The following EPHA6 variants were observed in gnomAD, a reference collection of about 807,000 sequenced individuals.
EPHA6 encodes EPH receptor A6.
EPHA6 carries 50 observed loss-of-function variants against 112.0 expected under a neutral mutation model. The observed-to-expected ratio is 0.45, with a 90% CI of 0.36 to 0.56. The LOEUF (loss-of-function observed/expected upper bound fraction) is 0.56, where lower values mean the gene tolerates loss of function less well. EPHA6 is among the 20% of genes least tolerant of loss of function. The pLI, the probability that EPHA6 is intolerant of heterozygous loss-of-function variation, is 0.00. For missense variants in EPHA6, 1,280 were observed against 1,417.4 expected, an observed-to-expected ratio of 0.90 and a Z score of 1.56; for synonymous variants, 529 against 490.7, an observed-to-expected ratio of 1.08 and a Z score of -1.03.
At chr3:96,967,123 G>C (rs922878465) in intron 2 of EPHA6, among the ~76,000 whole-genome samples, 2 of 151,026 alleles carry the variant, frequency 1.3e-5, no homozygotes, top group African/African-American at 2.4e-5. Flanking sequence ...AATTACTCTT[G>C]TTTCAGGTTT....
At chr3:97,229,899 C>A (rs2078473301) in intron 4 of EPHA6, among the ~76,000 whole-genome samples, 1 of 151,994 alleles carries the variant, frequency 6.6e-6, no homozygotes, top group African/African-American at 2.4e-5. Context: ...TTCCTGTGAA[C>A]ATATTTTAAA....
intron 13 of EPHA6, among the ~76,000 whole-genome samples, chr3:97,621,021 C>T (rs1477349276): frequency 6.6e-6 from 1 of 151,984 alleles, no homozygotes; most frequent in African/African-American, 2.4e-5. Flanking sequence ...CCCAAATGCC[C>T]ATCAATGATA....
At chr3:97,155,487 A>G (rs2076268566) in intron 3 of EPHA6, among the ~76,000 whole-genome samples, 1 of 152,218 alleles carries the variant, frequency 6.6e-6, no homozygotes. Flanking sequence ...TTGCAGTTGC[A>G]TAACAGATAA....
chr3:97,170,268 T>G (rs148782151), intron 3 of EPHA6, among the ~76,000 whole-genome samples: 3 of 152,156 alleles, frequency 2.0e-5, no homozygotes, highest in Non-Finnish European at 4.4e-5. Context: ...TTGTTACTAT[T>G]AGTGCAACTT....
intron 5 of EPHA6, among the ~76,000 whole-genome samples, chr3:97,257,914 G>A (rs753305258): frequency 3.3e-5 from 5 of 151,964 alleles, no homozygotes; most frequent in Admixed American, 6.6e-5. Flanking sequence ...TGTGACAATT[G>A]ATGTACACAC....
At chr3:97,444,020 T>A (rs1442365528) in intron 6 of EPHA6, among the ~76,000 whole-genome samples, 1 of 152,116 alleles carries the variant, frequency 6.6e-6, no homozygotes, top group African/African-American at 2.4e-5. Context: ...TCTGGACTAA[T>A]TTGATCATAG....
intron 14 of EPHA6, among the ~76,000 whole-genome samples, chr3:97,661,907 C>T (rs886808257): frequency 6.6e-6 from 1 of 152,142 alleles, no homozygotes; most frequent in African/African-American, 2.4e-5. Flanking sequence ...AAAATCTGCA[C>T]AGCTCTGAGA....
At chr3:96,967,114 A>T (rs572172398) in intron 2 of EPHA6, among the ~76,000 whole-genome samples, 1 of 151,618 alleles carries the variant, frequency 6.6e-6, no homozygotes, top group African/African-American at 2.4e-5. Context: ...TTGAAAAATA[A>T]TTACTCTTGT....
chr3:97,646,120 G>T, intron 14 of EPHA6: 1 of 1,522,852 alleles, frequency 6.6e-7, no homozygotes, highest in South Asian at 1.2e-5. Flanking sequence ...CCAATTCAGA[G>T]ACCCACAAAT....
chr3:97,621,753 T>A (rs558408874), intron 13 of EPHA6, among the ~76,000 whole-genome samples: 2 of 151,962 alleles, frequency 1.3e-5, no homozygotes, highest in South Asian at 4.1e-4. Context: ...TATAACCGAT[T>A]GTGACAAATT....
chr3:96,833,890 C>A (rs1057063705), intron 1 of EPHA6, among the ~76,000 whole-genome samples: 10 of 151,844 alleles, frequency 6.6e-5, no homozygotes, highest in Admixed American at 6.6e-4. Flanking sequence ...CATTCCAATT[C>A]ATAAATATAT....
intron 3 of EPHA6, among the ~76,000 whole-genome samples, chr3:97,045,358 G>T (rs533393698): frequency 2.6e-5 from 4 of 151,980 alleles, no homozygotes; most frequent in Non-Finnish European, 2.9e-5. Context: ...AGAAGGATCG[G>T]TATGTCACAA....
intron 3 of EPHA6, among the ~76,000 whole-genome samples, chr3:97,197,843 G>C (rs1355692034): frequency 6.6e-6 from 1 of 152,014 alleles, no homozygotes; most frequent in African/African-American, 2.4e-5. Context: ...CAGGAACTCA[G>C]GCTCTGACTC....
At chr3:97,303,196 TTATAAA>T (rs1421472318) in intron 5 of EPHA6, among the ~76,000 whole-genome samples, 1 of 151,852 alleles carries the variant, frequency 6.6e-6, no homozygotes. Flanking sequence ...AAGATACATA[TTATAAA>T]TATAGAGTCT....
intron 3 of EPHA6, among the ~76,000 whole-genome samples, chr3:97,012,501 C>CAT (rs1197273815): frequency 6.8e-5 from 10 of 146,080 alleles, no homozygotes; most frequent in South Asian, 6.5e-4. Flanking sequence ...TATGTATATT[C>CAT]ATATATATAT....
At chr3:96,855,748 A>G (rs1200344338) in intron 1 of EPHA6, among the ~76,000 whole-genome samples, 1 of 152,108 alleles carries the variant, frequency 6.6e-6, no homozygotes, top group Non-Finnish European at 1.5e-5. Context: ...CATTTTTCAA[A>G]ATATGGCAGT....
chr3:97,429,178 T>C (rs1458318978), intron 6 of EPHA6, among the ~76,000 whole-genome samples: 1 of 152,192 alleles, frequency 6.6e-6, no homozygotes, highest in Non-Finnish European at 1.5e-5. Flanking sequence ...GCCAAACCTT[T>C]CCTGAGTTTC....
At chr3:96,888,990 A>G (rs1365169185) in intron 2 of EPHA6, among the ~76,000 whole-genome samples, 1 of 152,120 alleles carries the variant, frequency 6.6e-6, no homozygotes, top group Non-Finnish European at 1.5e-5. Context: ...CTTCCGCCAG[A>G]TACCCTAAAT....
chr3:97,366,893 G>C (rs1425823752), intron 5 of EPHA6, among the ~76,000 whole-genome samples: 1 of 152,148 alleles, frequency 6.6e-6, no homozygotes, highest in Non-Finnish European at 1.5e-5. Context: ...ATGAAAGTAA[G>C]AAGAGCTGCA....
Sources: gnomAD v4.1 joint callset for allele counts (sites outside exome capture counted in the v4.1 genomes callset) on GRCh38, gnomAD v4.1.1 for gene constraint, MANE v1.5 for transcripts, NCBI Gene and HGNC (gene_info 2026-07-23, HGNC 2026-07-21) for gene names.